Variants in TRPV6 observed in about 807,000 individuals in gnomAD.
The protein encoded by TRPV6 is transient receptor potential cation channel subfamily V member 6.
In TRPV6, 39 loss-of-function variants were observed where a neutral mutation model predicts 79.0. That is an observed-to-expected ratio of 0.49 (90% confidence interval 0.38 to 0.64). The LOEUF is 0.64. Ranked by LOEUF, TRPV6 falls within the 30% of genes least tolerant of loss-of-function variation. The pLI, the probability that TRPV6 is intolerant of heterozygous loss-of-function variation, is 0.00. For missense variants in TRPV6, 813 were observed against 1,011.1 expected, an observed-to-expected ratio of 0.80 and a Z score of 2.66; for synonymous variants, 373 against 391.9, an observed-to-expected ratio of 0.95 and a Z score of 0.57.
rs1794986619 is a variant in TRPV6, at chr7:142,873,430, T to C, written c.1908+18A>G. 1 of 1,611,518 alleles carries C rather than the reference T, an allele frequency of 6.2e-7. No individual in the cohort carries two copies. Among genetic ancestry groups the C allele is most frequent in the Admixed American group, 1.7e-5 (1 of 59,992 alleles). On this transcript the variant is annotated intron_variant, in intron 13 of 14. Coordinates refer to ENST00000359396, the MANE Select transcript of TRPV6 (RefSeq NM_018646.6). This position sits in a 1 kb window ranked among gnomAD's most constrained non-coding sequence, Gnocchi z 4.8. ...GGGGATGACTTGCCCTAACCCTCCC[T>C]GCCACCAGGGGGCTCACCTGGGCCC... is the stretch of plus-strand genomic sequence containing the variant.
rs764881703 is a variant in TRPV6, at chr7:142,878,026, C to T, written c.249G>A (p.Arg83=). The change falls in exon 2 of 15, where the codon AGG becomes AGA. Residue 83 remains arginine (R), a splice_region_variant and synonymous_variant. Transcript: ENST00000359396. ...CTAGAAGGAGAGGAGACTCCCAGAT[C>T]CTATGAAGGGATGGAATAGGAAAGC... is the stretch of plus-strand genomic sequence containing the variant. 7 of 1,613,518 alleles carry T rather than the reference C, an allele frequency of 4.3e-6. No homozygotes were observed. Among genetic ancestry groups the T allele is most frequent in the Admixed American group, 1.7e-5 (1 of 60,016 alleles).
rs767858556 is a variant in TRPV6, at chr7:142,878,063, A to G, written c.249-37T>C. On this transcript the variant is annotated intron_variant, in intron 1 of 14. Coordinates refer to ENST00000359396, the MANE Select transcript of TRPV6 (RefSeq NM_018646.6). The stretch of plus-strand genomic sequence containing the variant: ...TGGAATAGGAAAGCTGGAAACAGTG[A>G]GCATACCTAGTTGTGGAGGGAGAGG... The G allele has an allele frequency of 1.2e-5, 18 of 1,563,418 alleles. No homozygotes were observed. In the East Asian group the frequency reaches 3.4e-4, roughly 29 times the overall value.
chr7:142,873,413 C>A lies in TRPV6; in HGVS notation c.1908+35G>T. 6.2e-7 allele frequency: 1 copy of A among 1,606,706 alleles called. No individual in the cohort carries two copies. Among genetic ancestry groups the A allele is most frequent in the Non-Finnish European group, 8.5e-7 (1 of 1,174,960 alleles). ...AGGTTCCTTGGTAGGAAGGGGATGA[C>A]TTGCCCTAACCCTCCCTGCCACCAG... On this transcript the variant is annotated intron_variant, in intron 13 of 14. Coordinates refer to ENST00000359396, the MANE Select transcript of TRPV6 (RefSeq NM_018646.6). This position sits in a 1 kb window ranked among gnomAD's most constrained non-coding sequence, Gnocchi z 4.8.
chr7:142,877,371 G>A, intron 3 of TRPV6, 92 bp from the exon 4 acceptor site: 1 of 1,561,486 alleles, frequency 6.4e-7, no homozygotes, highest in South Asian at 1.2e-5. Flanking sequence ...TCCCTCAGGG[G>A]TAGCCTGGGA....
Position 142,871,936 on chromosome 7 carries a change from G to A in TRPV6, c.2069C>T (p.Ala690Val), listed in dbSNP as rs777267728. Residue 690 changes from alanine (A) to valine (V), a missense_variant, in exon 15 of 15, where the codon GCC (alanine) becomes GTC (valine). Ala to Val is a moderately conservative substitution (Grantham distance 64). Around this residue, in one of 3 missense-constraint regions of TRPV6, gnomAD observed 164 missense variants for 186.1 expected, o/e 0.88. Transcript: ENST00000359396. ...ATCCTCAGAGCCCCGGGTGTGGAAG[G>A]CCTGTGCGTAGCGTTGGATCCGCTG... 1.9e-6 allele frequency: 3 copies of A among 1,613,638 alleles called. No homozygotes were observed. The highest frequency in any genetic ancestry group is 4.5e-5 in the East Asian group (2 of 44,890).
intron 1 of TRPV6, chr7:142,884,935 T>C (rs1398642351): frequency 6.5e-6 from 1 of 152,974 alleles, no homozygotes; most frequent in Non-Finnish European, 1.5e-5. Flanking sequence ...CGGTTCTCTC[T>C]GCTTCATTCA....
intron 1 of TRPV6, chr7:142,880,093 GTTA>G (rs975879378): frequency 2.6e-5 from 4 of 152,160 alleles, no homozygotes; most frequent in Admixed American, 1.3e-4. Flanking sequence ...TGAATTAACT[GTTA>G]TTATTATTTT....
intron 6 of TRPV6, 76 bp downstream of exon 6, chr7:142,876,332 T>C: frequency 6.5e-7 from 1 of 1,533,984 alleles, no homozygotes; most frequent in Non-Finnish European, 8.8e-7. Flanking sequence ...CGCGTTCACC[T>C]CTGTTTCTCC....
In TRPV6 at chr7:142,876,399, G is replaced by A. The variant is rs372314275; in HGVS notation, c.882+9C>T. On this transcript the variant is annotated intron_variant, in intron 6 of 14. Coordinates refer to ENST00000359396, the MANE Select transcript of TRPV6 (RefSeq NM_018646.6). ...GAAAGACACCTCAGGGATGGGGACC[G>A]TCTCTCACCACAGTGTTACCCTCCA... The A allele has an allele frequency of 5.3e-5, 86 of 1,611,664 alleles. No homozygotes were observed. The highest frequency in any genetic ancestry group is 1.9e-4 in the African/African-American group (14 of 74,880).
rs1275058964 is a variant in TRPV6 at position 142,873,843 on chromosome 7, C to T, written c.1640-127G>A. ...ATCACCAGCTCTGCAGTGCTCCAAA[C>T]TTTGGGTTTTTACGGTCCCTAGTTT... On this transcript the variant is annotated intron_variant, in intron 12 of 14. Transcript: ENST00000359396. This position sits in a 1 kb window ranked among gnomAD's most constrained non-coding sequence, Gnocchi z 4.8. 1 of 1,406,960 alleles carries T rather than the reference C, an allele frequency of 7.1e-7. No individual in the cohort carries two copies. Among genetic ancestry groups the T allele is most frequent in the African/African-American group, 1.4e-5 (1 of 70,052 alleles). The allele number at this position is 1,406,960 out of a possible 1,614,324, so 87.2% of individuals were successfully genotyped here. A position where few individuals can be genotyped will look rare whatever the true frequency, so the allele number is the denominator to read the frequency against.
At position 142,875,463 on chromosome 7, in the gene TRPV6, G is replaced by A. The variant is rs1442020565; in HGVS notation, c.1242+5C>T. The A allele has an allele frequency of 1.9e-6, 3 of 1,562,756 alleles. No individual in the cohort carries two copies. The highest frequency in any genetic ancestry group is 1.2e-5 in the South Asian group (1 of 84,280). ...CCTGCTGATCTGCTCCTACAAGGGT[G>A]TCACCTGAAGTAGCTTCTGCTGTAA... On this transcript the variant is annotated splice_donor_5th_base_variant and intron_variant, in intron 8 of 14. Coordinates refer to ENST00000359396, the MANE Select transcript of TRPV6 (RefSeq NM_018646.6).
chr7:142,877,991 T>C lies in TRPV6; in HGVS notation c.284A>G (p.Asp95Gly), dbSNP rs746789388. 1.9e-6 allele frequency: 3 copies of C among 1,614,178 alleles called. No individual in the cohort carries two copies. Among genetic ancestry groups the C allele is most frequent in the Admixed American group, 3.3e-5 (2 of 60,022 alleles). The change falls in exon 2 of 15, where the codon GAT (aspartate) becomes GGT (glycine). Residue 95 changes from aspartate to glycine, a missense_variant. Around this residue, in one of 3 missense-constraint regions of TRPV6, gnomAD observed 555 missense variants for 631.0 expected, o/e 0.88. Coordinates refer to ENST00000359396, the MANE Select transcript of TRPV6 (RefSeq NM_018646.6). ...CTTGTTCAGGGCCTGGACATCATTA[T>C]CTTTGGCAGCTAGAAGGAGAGGAGA... is the stretch of plus-strand genomic sequence containing the variant.
Position 142,874,991 on chromosome 7 carries a change from C to G in TRPV6, c.1330-11G>C. On this transcript the variant is annotated splice_polypyrimidine_tract_variant and intron_variant, in intron 9 of 14. Coordinates refer to ENST00000359396, the MANE Select transcript of TRPV6 (RefSeq NM_018646.6). Reference sequence around the variant, plus strand: ...GAAGATGTCTGGAACCTGAAGAGGTCAGGGAGACACAAAGGCACTCAGATA... The same window carrying G: ...GAAGATGTCTGGAACCTGAAGAGGTGAGGGAGACACAAAGGCACTCAGATA... 1 of 1,614,124 alleles carries G rather than the reference C, an allele frequency of 6.2e-7. No homozygotes were observed. Among genetic ancestry groups the G allele is most frequent in the Non-Finnish European group, 8.5e-7 (1 of 1,180,036 alleles).
chr7:142,877,282 G>T lies in TRPV6; in HGVS notation c.470-3C>A. On this transcript the variant is annotated splice_region_variant and splice_polypyrimidine_tract_variant and intron_variant, in intron 3 of 14. Transcript: ENST00000359396. The stretch of plus-strand genomic sequence containing the variant: ...AGCGATGTGCAGTGCAGTCTGACCT[G>T]GCCCAGAGACAGCTGTCAGTCACGG... 6.2e-7 allele frequency: 1 copy of T among 1,613,310 alleles called. No individual in the cohort carries two copies.
At position 142,877,693 on chromosome 7, in the gene TRPV6, G is replaced by A. The variant is rs1313923954; in HGVS notation, c.427C>T (p.Pro143Ser). The A allele has an allele frequency of 1.9e-6, 3 of 1,614,066 alleles. No homozygotes were observed. Among genetic ancestry groups the A allele is most frequent in the Middle Eastern group, 1.6e-4 (1 of 6,082 alleles). Residue 143 changes from proline (P) to serine (S), a missense_variant, in exon 3 of 15, where the codon CCG becomes TCG. Physicochemically the swap from Pro to Ser is moderately conservative, Grantham distance 74. Around this residue, in one of 3 missense-constraint regions of TRPV6, gnomAD observed 555 missense variants for 631.0 expected, o/e 0.88. Coordinates refer to ENST00000359396, the MANE Select transcript of TRPV6 (RefSeq NM_018646.6). ...GTCATGGGCTCAAAGACCAGCTCCG[G>A]GGCAGCCTCCATCAGCACCATGGCG...
intron 1 of TRPV6, chr7:142,883,923 T>C (rs4987612): frequency 0.051 from 7,765 of 152,600 alleles, 350 homozygotes; most frequent in African/African-American, 0.12. Flanking sequence ...CCATATGATC[T>C]GAGGAAAAGT....
chr7:142,878,036 G>A lies in TRPV6; in HGVS notation c.249-10C>T. On this transcript the variant is annotated splice_polypyrimidine_tract_variant and intron_variant, in intron 1 of 14. Coordinates refer to ENST00000359396, the MANE Select transcript of TRPV6 (RefSeq NM_018646.6). ...AGGAGACTCCCAGATCCTATGAAGG[G>A]ATGGAATAGGAAAGCTGGAAACAGT... 1 of 1,606,310 alleles carries A rather than the reference G, an allele frequency of 6.2e-7. No homozygotes were observed. Among genetic ancestry groups the A allele is most frequent in the Non-Finnish European group, 8.5e-7 (1 of 1,172,868 alleles).
rs537175566 is a variant in TRPV6 at position 142,874,477 on chromosome 7, G to C, written c.1572+14C>G. ...CTGGGGCCTTTCTCTAGGGAGCTTG[G>C]GGGGAGGACTGACCTTCTGAATCAT... On this transcript the variant is annotated intron_variant, in intron 11 of 14. Transcript: ENST00000359396. The C allele has an allele frequency of 3.8e-5, 61 of 1,613,846 alleles. No homozygotes were observed. The highest frequency in any genetic ancestry group is 1.6e-4 in the Middle Eastern group (1 of 6,062).
Position 142,873,906 on chromosome 7 carries a change from C to A in TRPV6, c.1639+170G>T, listed in dbSNP as rs1794997304. On this transcript the variant is annotated intron_variant, in intron 12 of 14. Transcript: ENST00000359396. The surrounding 1 kb of genome is among the most constrained non-coding windows in gnomAD (Gnocchi z 4.8). The stretch of plus-strand genomic sequence containing the variant: ...ATCTTGATCCTAAGAGCCACCTCTC[C>A]CTAACACTCCCGATTTTTCTCACCT... 13 of 1,075,434 alleles carry A rather than the reference C, an allele frequency of 1.2e-5. No homozygotes were observed. Among genetic ancestry groups the A allele is most frequent in the Non-Finnish European group, 1.6e-5 (12 of 739,012 alleles). 66.6% of individuals were successfully genotyped at this position (1,075,434 alleles called of 1,614,324 possible). A position where few individuals can be genotyped will look rare whatever the true frequency, so the allele number is the denominator to read the frequency against.
Sources: allele counts gnomAD v4.1 joint callset, GRCh38; gene constraint gnomAD v4.1.1; regional missense constraint gnomAD v4.1.1; non-coding constraint Gnocchi (gnomAD v3.1); transcripts MANE v1.5; gene names NCBI Gene and HGNC (gene_info 2026-07-23, HGNC 2026-07-21).